ZNF567: variants seen among roughly 807,000 people sequenced by gnomAD.
ZNF567 encodes zinc finger protein 567.
Under a neutral mutation model 53.9 loss-of-function variants are expected in ZNF567, and 36 were observed. That is an observed-to-expected ratio of 0.67 (90% CI 0.51 to 0.88). ZNF567 has a LOEUF of 0.88. Among genes scored for constraint, ZNF567 ranks in the 40% least tolerant of loss-of-function variants. The pLI is 0.00. For synonymous variants in ZNF567, 224 were observed against 260.4 expected, an observed-to-expected ratio of 0.86 and a Z score of 1.35; for missense variants, 619 against 764.7, an observed-to-expected ratio of 0.81 and a Z score of 2.25.
downstream of ZNF567, chr19:36,726,982 T>TTCTCTTTCTTTCTTTC (rs375360156): frequency 2.0e-4 from 11 of 55,414 alleles, no homozygotes; most frequent in African/African-American, 6.8e-4. Context: ...CTTTCTTTCT[T>TTCTCTTTCTTTCTTTC]TTTCTTTCTT....
At chr19:36,681,961 G>A in the ZNF567 span, among the ~76,000 whole-genome samples, 3 of 152,062 alleles carry the variant, frequency 2.0e-5, no homozygotes, top group Non-Finnish European at 2.9e-5. Flanking sequence ...GAGTGAACAA[G>A]AGGGAAGTAA....
At chr19:36,723,818 A>G (rs778244552), downstream of ZNF567, among the ~76,000 whole-genome samples, 9 of 152,108 alleles carry the variant, frequency 5.9e-5, no homozygotes, top group Non-Finnish European at 1.0e-4. Flanking sequence ...TGGCCAAGAG[A>G]GTGAGACTGT....
At chr19:36,707,595 G>A (rs760614189) in intron 3 of ZNF567, among the ~76,000 whole-genome samples, 1 of 151,870 alleles carries the variant, frequency 6.6e-6, no homozygotes, top group South Asian at 2.1e-4. Flanking sequence ...TGTTGTTGTT[G>A]AAACGGAGTT....
intron 5 of ZNF567, among the ~76,000 whole-genome samples, chr19:36,715,005 A>T (rs1380039041): frequency 1.3e-5 from 2 of 152,052 alleles, no homozygotes; most frequent in African/African-American, 4.8e-5. Context: ...TTTTATGTAG[A>T]TGGCACTGAC....
intron 3 of ZNF567, among the ~76,000 whole-genome samples, chr19:36,697,719 C>T (rs998616871): frequency 6.6e-6 from 1 of 150,908 alleles, no homozygotes; most frequent in South Asian, 2.1e-4. Flanking sequence ...TCAAGCGATT[C>T]TGGTGCGTCA....
chr19:36,671,102 A>AAAAC, the ZNF567 span, among the ~76,000 whole-genome samples: 12 of 152,322 alleles, frequency 7.9e-5, no homozygotes, highest in Admixed American at 3.9e-4. Context: ...ACTCCGTCTC[A>AAAAC]AAACAAACAA....
chr19:36,689,779 T>G (rs1233701754), intron 2 of ZNF567, among the ~76,000 whole-genome samples: 1 of 152,076 alleles, frequency 6.6e-6, no homozygotes, highest in African/African-American at 2.4e-5. Flanking sequence ...TATGTAAAAT[T>G]TTTGCCAAGA....
At chr19:36,724,681 C>CAA (rs577726722), downstream of ZNF567, among the ~76,000 whole-genome samples, 10,491 of 117,182 alleles carry the variant, frequency 0.09, 620 homozygotes, top group African/African-American at 0.15. Flanking sequence ...GACTTCATCT[C>CAA]AAAAAAAAAA....
chr19:36,724,699 T>A (rs1006501804), downstream of ZNF567, among the ~76,000 whole-genome samples: 7 of 73,666 alleles, frequency 9.5e-5, no homozygotes, highest in Non-Finnish European at 1.1e-4. Flanking sequence ...AAAAAAAAAA[T>A]TAGCTGAGCT....
chr19:36,716,861 TGTCGTCCAGGCTGGA>T (rs746001870), intron 5 of ZNF567, among the ~76,000 whole-genome samples: 36 of 152,212 alleles, frequency 2.4e-4, no homozygotes, highest in Non-Finnish European at 4.0e-4. Context: ...AGTCTTGTTC[TGTCGTCCAGGCTGGA>T]GTGCAGTGGC....
intron 5 of ZNF567, 80 bp from the exon 6 acceptor site, chr19:36,718,868 G>C (rs1461598451): frequency 8.3e-7 from 1 of 1,205,256 alleles, no homozygotes; most frequent in Admixed American, 2.4e-5. Flanking sequence ...TTTGCGCCAT[G>C]TGCTAGACCC....
intron 2 of ZNF567, among the ~76,000 whole-genome samples, chr19:36,692,897 G>A (rs1235121586): frequency 2.0e-5 from 3 of 152,144 alleles, no homozygotes; most frequent in Non-Finnish European, 4.4e-5. Flanking sequence ...CATGGATTCT[G>A]TTTCCTACTC....
downstream of ZNF567, among the ~76,000 whole-genome samples, chr19:36,726,667 A>G (rs1189903186): frequency 6.6e-6 from 1 of 152,230 alleles, no homozygotes; most frequent in Non-Finnish European, 1.5e-5. Flanking sequence ...TAGGCGGGAT[A>G]GTAGTGAAGA....
chr19:36,725,421 T>G (rs1415524833), downstream of ZNF567, among the ~76,000 whole-genome samples: 1 of 152,156 alleles, frequency 6.6e-6, no homozygotes, highest in Non-Finnish European at 1.5e-5. Flanking sequence ...CAGGCTGGTC[T>G]CAAACTCCTG....
At chr19:36,671,572 A>G in the ZNF567 span, among the ~76,000 whole-genome samples, 1 of 152,220 alleles carries the variant, frequency 6.6e-6, no homozygotes. Flanking sequence ...ACATGATCCA[A>G]CAAATCTAAT....
At chr19:36,688,583 C>T (rs1032818551) in intron 1 of ZNF567, among the ~76,000 whole-genome samples, 1 of 142,916 alleles carries the variant, frequency 7.0e-6, no homozygotes, top group African/African-American at 2.6e-5. Flanking sequence ...TGAGGCGGGC[C>T]GATCACGACG....
chr19:36,684,484 A>G (rs536828723), upstream of ZNF567, among the ~76,000 whole-genome samples: 5 of 152,284 alleles, frequency 3.3e-5, no homozygotes, highest in South Asian at 4.1e-4. Flanking sequence ...AAGAGACCCA[A>G]ACTTTCTTCA....
At chr19:36,722,918 CATTAA>C (rs1210833301), downstream of ZNF567, among the ~76,000 whole-genome samples, 2 of 151,958 alleles carry the variant, frequency 1.3e-5, no homozygotes, top group Non-Finnish European at 2.9e-5. Flanking sequence ...CTAGACATGT[CATTAA>C]ATTTAGCCTT....
chr19:36,677,449 A>G, the ZNF567 span, among the ~76,000 whole-genome samples: 1 of 104,576 alleles, frequency 9.6e-6, no homozygotes, highest in African/African-American at 3.9e-5. Context: ...ACAGTGCGAG[A>G]CTCTGTCTCA....
Sources: gnomAD v4.1 joint callset for allele counts (sites outside exome capture counted in the v4.1 genomes callset) on GRCh38, gnomAD v4.1.1 for gene constraint, MANE v1.5 for transcripts, NCBI Gene and HGNC (gene_info 2026-07-23, HGNC 2026-07-21) for gene names.